TSPAN9: variants seen among roughly 807,000 people sequenced by gnomAD.
The protein encoded by TSPAN9 is tetraspanin 9.
TSPAN9 carries 16 observed loss-of-function variants against 31.0 expected under a neutral mutation model. The observed-to-expected ratio is 0.52, with a 90% CI of 0.35 to 0.78. TSPAN9 has a LOEUF of 0.78. TSPAN9 is among the 30% of genes least tolerant of loss of function. TSPAN9 has a pLI of 0.01. For missense variants in TSPAN9, 272 were observed against 312.5 expected, an observed-to-expected ratio of 0.87 and a Z score of 0.98; for synonymous variants, 145 against 121.6, an observed-to-expected ratio of 1.19 and a Z score of -1.27.
Position 3,143,699 on chromosome 12 carries a change from C to CTGCA in TSPAN9, c.-17-57477_-17-57474dup, listed in dbSNP as rs2098335910. ...GATATTTATTTTGTTGTTCAACTTG[C>CTGCA]TGCAGCCTTGGCCATGGGAAGCTCT... On this transcript the variant is annotated intron_variant, in intron 2 of 8. Transcript: ENST00000011898. This position sits in a 1 kb window ranked among gnomAD's most constrained non-coding sequence, Gnocchi z 4.2. Among the ~76,000 whole-genome samples, 1 of 152,208 alleles carries CTGCA rather than the reference C, an allele frequency of 6.6e-6. No homozygotes were observed. The highest frequency in any genetic ancestry group is 1.5e-5 in the Non-Finnish European group (1 of 68,044).
At chr12:3,218,575 G>A (rs2098382593) in intron 3 of TSPAN9, among the ~76,000 whole-genome samples, 1 of 152,192 alleles carries the variant, frequency 6.6e-6, no homozygotes, top group African/African-American at 2.4e-5. Flanking sequence ...CTTCCTGAGG[G>A]CCTTGGCAGA....
chr12:3,159,191 G>T (rs547394200), intron 2 of TSPAN9, among the ~76,000 whole-genome samples: 3 of 151,524 alleles, frequency 2.0e-5, no homozygotes, highest in African/African-American at 7.3e-5. Flanking sequence ...ACGGCAACAG[G>T]AGGGTGAAGT....
rs2153970365 is a variant in TSPAN9, at chr12:3,172,295, CCT to C, written c.-17-28877_-17-28876del. ...GCAGATTGGTCCTGGTGCAGGCGGCCCTCTCTGTCTTGCGGCCCTCTGCCTCC... is the reference window on the plus strand; with the variant it reads ...GCAGATTGGTCCTGGTGCAGGCGGCCCTCTGTCTTGCGGCCCTCTGCCTCC... On this transcript the variant is annotated intron_variant, in intron 2 of 8. Coordinates refer to ENST00000011898, the MANE Select transcript of TSPAN9 (RefSeq NM_006675.5). This position sits in a 1 kb window ranked among gnomAD's most constrained non-coding sequence, Gnocchi z 4.8. 6.6e-6 allele frequency: 1 copy of C among 152,408 alleles called. No homozygotes were observed. The highest frequency in any genetic ancestry group is 1.9e-4 in the East Asian group (1 of 5,186). 9.4% of individuals were successfully genotyped at this position (152,408 alleles called of 1,614,324 possible).
At chr12:3,174,622 G>T (rs538658413) in intron 2 of TSPAN9, among the ~76,000 whole-genome samples, 1 of 152,018 alleles carries the variant, frequency 6.6e-6, no homozygotes, top group Admixed American at 6.6e-5. Flanking sequence ...TCACTCTGTC[G>T]CCCAGGCTGG....
chr12:3,245,822 G>T (rs1565630215), intron 3 of TSPAN9, among the ~76,000 whole-genome samples: 2 of 152,004 alleles, frequency 1.3e-5, no homozygotes, highest in Non-Finnish European at 2.9e-5. Flanking sequence ...CCAATTCCTT[G>T]TACTGGAGAG....
intron 3 of TSPAN9, among the ~76,000 whole-genome samples, chr12:3,266,575 A>G (rs1157816859): frequency 6.6e-6 from 1 of 152,218 alleles, no homozygotes; most frequent in Non-Finnish European, 1.5e-5. Context: ...CTGAATTGCC[A>G]TGCACATGTT....
intron 5 of TSPAN9, among the ~76,000 whole-genome samples, 191 bp downstream of exon 5, chr12:3,279,257 C>T (rs1316328770): frequency 1.3e-5 from 2 of 152,136 alleles, no homozygotes; most frequent in Non-Finnish European, 2.9e-5. Context: ...ATGGGGGCAG[C>T]ATGGGGCAGG....
intron 2 of TSPAN9, among the ~76,000 whole-genome samples, chr12:3,188,163 C>T (rs2098362412): frequency 6.6e-6 from 1 of 152,204 alleles, no homozygotes; most frequent in Admixed American, 6.5e-5. Flanking sequence ...TTCCCAGACA[C>T]TGCCTCATCT....
chr12:3,244,994 G>A (rs1228182242), intron 3 of TSPAN9, among the ~76,000 whole-genome samples: 2 of 152,182 alleles, frequency 1.3e-5, no homozygotes, highest in African/African-American at 4.8e-5. Flanking sequence ...GACTCTGTGG[G>A]CATCCCGGTC....
At chr12:3,186,833 G>A (rs2098361684) in intron 2 of TSPAN9, among the ~76,000 whole-genome samples, 1 of 152,216 alleles carries the variant, frequency 6.6e-6, no homozygotes, top group Non-Finnish European at 1.5e-5. Context: ...TACTCCTGGG[G>A]AGGAGGGGGC....
intron 2 of TSPAN9, among the ~76,000 whole-genome samples, chr12:3,185,612 C>A (rs550457081): frequency 6.6e-6 from 1 of 152,192 alleles, no homozygotes; most frequent in Non-Finnish European, 1.5e-5. Flanking sequence ...ACCTCCACCC[C>A]GGCTGCCAGC....
intron 3 of TSPAN9, among the ~76,000 whole-genome samples, chr12:3,215,042 G>T (rs2098380657): frequency 6.6e-6 from 1 of 151,986 alleles, no homozygotes; most frequent in Non-Finnish European, 1.5e-5. Flanking sequence ...GCTCCCACCT[G>T]CTACCTCTTT....
At chr12:3,097,029 G>C (rs1196392902) in intron 2 of TSPAN9, among the ~76,000 whole-genome samples, 5 of 152,172 alleles carry the variant, frequency 3.3e-5, no homozygotes, top group Admixed American at 6.5e-5. Context: ...GCTCTGGGAG[G>C]GGAGTTATGC....
intron 3 of TSPAN9, among the ~76,000 whole-genome samples, chr12:3,233,726 C>A (rs1453518545): frequency 6.6e-6 from 1 of 152,220 alleles, no homozygotes; most frequent in East Asian, 1.9e-4. Context: ...GTGTACATTT[C>A]TTTCATGCAC....
intron 2 of TSPAN9, among the ~76,000 whole-genome samples, chr12:3,161,930 T>C (rs956542143): frequency 6.6e-6 from 1 of 152,116 alleles, no homozygotes; most frequent in Non-Finnish European, 1.5e-5. Context: ...ATCTTCCCGC[T>C]TCAGCCTTCC....
At chr12:3,094,847 C>CTTTTTTTTTTTTTTTT (rs61154605) in intron 2 of TSPAN9, among the ~76,000 whole-genome samples, 1 of 101,954 alleles carries the variant, frequency 9.8e-6, no homozygotes, top group Non-Finnish European at 2.0e-5. Flanking sequence ...AATCAATAAT[C>CTTTTTTTTTTTTTTTT]TTTTTTTTTT....
At chr12:3,145,243 A>G (rs1340922652) in intron 2 of TSPAN9, among the ~76,000 whole-genome samples, 1 of 152,194 alleles carries the variant, frequency 6.6e-6, no homozygotes, top group Non-Finnish European at 1.5e-5. Context: ...ACTCTTGAGC[A>G]CGTGCACAGC....
intron 2 of TSPAN9, among the ~76,000 whole-genome samples, chr12:3,126,656 C>T (rs186675950): frequency 6.6e-6 from 1 of 152,276 alleles, no homozygotes; most frequent in Non-Finnish European, 1.5e-5. Flanking sequence ...CACCTGTAAT[C>T]CCAACACTTT....
intron 2 of TSPAN9, among the ~76,000 whole-genome samples, chr12:3,086,580 G>A (rs1221709069): frequency 6.6e-6 from 1 of 151,212 alleles, no homozygotes; most frequent in Non-Finnish European, 1.5e-5. Context: ...GGTCCGAAGA[G>A]TCAGGAAGCT....
Sources: gnomAD v4.1 joint callset for allele counts (sites outside exome capture counted in the v4.1 genomes callset) on GRCh38, gnomAD v4.1.1 for gene constraint, Gnocchi (gnomAD v3.1) non-coding constraint, MANE v1.5 for transcripts, NCBI Gene and HGNC (gene_info 2026-07-23, HGNC 2026-07-21) for gene names.